The following NCOR1 variants were observed in gnomAD, a reference collection of about 807,000 sequenced individuals.
NCOR1 encodes the protein nuclear receptor corepressor 1, also known as protein phosphatase 1, regulatory subunit 109.
NCOR1 carries 63 observed loss-of-function variants against 288.1 expected under a neutral mutation model. The observed-to-expected ratio is 0.22, with a 90% confidence interval of 0.18 to 0.27. The LOEUF (loss-of-function observed/expected upper bound fraction) is 0.27. NCOR1 is among the 10% of genes least tolerant of loss of function. The probability of loss-of-function intolerance (pLI) is 1.00; values close to 1 mark genes in which losing one functional copy is unlikely to be tolerated. For missense variants in NCOR1, 2,397 were observed against 3,019.2 expected, an observed-to-expected ratio of 0.79 and a Z score of 4.83; for synonymous variants, 1,007 against 1,065.9, an observed-to-expected ratio of 0.94 and a Z score of 1.08.
intron 9 of NCOR1, among the ~76,000 whole-genome samples, chr17:16,148,470 C>A (rs773512018): frequency 2.0e-5 from 3 of 152,006 alleles, no homozygotes; most frequent in Non-Finnish European, 4.4e-5. Flanking sequence ...ATCTTGCTCA[C>A]CTTTGCAGAA....
chr17:16,049,203 T>C (rs1567701307), intron 40 of NCOR1: 4 of 353,760 alleles, frequency 1.1e-5, no homozygotes, highest in Admixed American at 4.6e-5. Context: ...ACTTGACCCA[T>C]GCGCGCCCCG....
At chr17:16,126,277 ATGTC>A in intron 14 of NCOR1, 71 bp from the exon 15 acceptor site, 1 of 1,397,614 alleles carries the variant, frequency 7.2e-7, no homozygotes, top group Non-Finnish European at 9.4e-7. Context: ...GTGATAAATT[ATGTC>A]TATCTAAAAA....
rs754792931 is a variant in NCOR1, at chr17:16,108,896, C to G, written c.2072G>C (p.Arg691Pro). Residue 691 changes from arginine to proline, a missense_variant, in exon 19 of 46, where the codon CGT (arginine) becomes CCT (proline). Coordinates refer to ENST00000268712, the MANE Select transcript of NCOR1 (RefSeq NM_006311.4). ...ACATTGAGACACATCTCGCTCTTCACGAGGTTTTCGTGAAGTCTAAAGGAG... is the reference window on the plus strand; with the variant it reads ...ACATTGAGACACATCTCGCTCTTCAGGAGGTTTTCGTGAAGTCTAAAGGAG... ...QHKQKTSRKP[R>P]EERDVSQCES... The G allele has an allele frequency of 6.3e-7, 1 of 1,587,334 alleles. No individual in the cohort carries two copies. Among genetic ancestry groups the G allele is most frequent in the Non-Finnish European group, 8.6e-7 (1 of 1,166,010 alleles).
intron 5 of NCOR1, among the ~76,000 whole-genome samples, chr17:16,159,810 C>T (rs1372950961): frequency 6.6e-6 from 1 of 151,894 alleles, no homozygotes; most frequent in Non-Finnish European, 1.5e-5. Context: ...GTGGTGTGAT[C>T]CTAGGAACCT....
chr17:16,125,459 C>T (rs1454171736), intron 15 of NCOR1, among the ~76,000 whole-genome samples: 1 of 152,052 alleles, frequency 6.6e-6, no homozygotes, highest in Admixed American at 6.6e-5. Context: ...AATCCCAGCA[C>T]TTTGGGAGGC....
intron 22 of NCOR1, among the ~76,000 whole-genome samples, chr17:16,088,849 T>A (rs900294545): frequency 1.3e-5 from 2 of 152,140 alleles, no homozygotes; most frequent in African/African-American, 4.8e-5. Context: ...CAATAGTGTC[T>A]CACTAAAGGA....
chr17:16,036,855 AT>A (rs1293801325), intron 44 of NCOR1, among the ~76,000 whole-genome samples: 1 of 152,172 alleles, frequency 6.6e-6, no homozygotes, highest in East Asian at 1.9e-4. Context: ...CTTTATTACC[AT>A]TTGTGTGTTC....
chr17:16,185,263 C>T (rs1422984893), intron 3 of NCOR1, among the ~76,000 whole-genome samples: 1 of 151,948 alleles, frequency 6.6e-6, no homozygotes, highest in Non-Finnish European at 1.5e-5. Context: ...AAAATAAAAA[C>T]AAAAGCAAAA....
Position 16,175,133 on chromosome 17 carries a change from CGAGT to C in NCOR1, c.243-3142_243-3139del, listed in dbSNP as rs151240490. 7.5e-3 allele frequency among the ~76,000 whole-genome samples: 1,145 copies of C among 152,032 alleles called. 18 individuals carry two copies. The highest frequency in any genetic ancestry group is 0.049 in the East Asian group (255 of 5,158). On this transcript the variant is annotated intron_variant, in intron 3 of 45. Transcript: ENST00000268712. ...CTGTAATCCCAAGACTTTGGGAGGC[CGAGT>C]AAGTGCATCACTTGAGGTCAGGAGT...
At chr17:16,092,259 G>A (rs1352918770) in intron 21 of NCOR1, among the ~76,000 whole-genome samples, 3 of 152,232 alleles carry the variant, frequency 2.0e-5, no homozygotes, top group South Asian at 4.2e-4. Flanking sequence ...GGAGGCCGAG[G>A]CAGGCAGATC....
In NCOR1 at chr17:16,106,360, G is replaced by C. The variant is rs569612912; in HGVS notation, c.2182+2426C>G. 1.7e-4 allele frequency among the ~76,000 whole-genome samples: 26 copies of C among 152,080 alleles called. No homozygotes were observed. In the South Asian group the frequency reaches 5.4e-3, roughly 32 times the overall value. On this transcript the variant is annotated intron_variant, in intron 19 of 45. Coordinates refer to ENST00000268712, the MANE Select transcript of NCOR1 (RefSeq NM_006311.4). ...AATTTTCTTCTTCCAAGCCACAAAA[G>C]AGTAGGAAGGTTTCCAAGGCATAAT...
At position 16,121,032 on chromosome 17, in the gene NCOR1, T is replaced by C. The variant is rs767835259; in HGVS notation, c.1852+20A>G. On this transcript the variant is annotated intron_variant, in intron 16 of 45. Coordinates refer to ENST00000268712, the MANE Select transcript of NCOR1 (RefSeq NM_006311.4). ...CCCGAACAAAATTATGGCCTGTTTATGCCAATTGTTTCCACTCACTGGGTT... is the reference window on the plus strand; with the variant it reads ...CCCGAACAAAATTATGGCCTGTTTACGCCAATTGTTTCCACTCACTGGGTT... The C allele has an allele frequency of 1.9e-6, 3 of 1,606,464 alleles. No homozygotes were observed. The highest frequency in any genetic ancestry group is 2.2e-5 in the East Asian group (1 of 44,704).
Position 16,048,888 on chromosome 17 carries a change from A to G in NCOR1, c.6493T>C (p.Leu2165=). Reference sequence around the variant, plus strand: ...GCGCCCCTCTGAGACAAGAGCAGCAAGCTGTCCTGTTTCTCATGCACAACC... The same window carrying G: ...GCGCCCCTCTGAGACAAGAGCAGCAGGCTGTCCTGTTTCTCATGCACAACC... ...VPVVHEKQDS[L]LLLSQRGAEP... is the part of the protein sequence containing the mutation. The change falls in exon 41 of 46, where the codon TTG becomes CTG. Residue 2165 remains leucine (L), a synonymous_variant. Transcript: ENST00000268712. 1 of 1,613,884 alleles carries G rather than the reference A, an allele frequency of 6.2e-7. No individual in the cohort carries two copies. Among genetic ancestry groups the G allele is most frequent in the Non-Finnish European group, 8.5e-7 (1 of 1,179,844 alleles).
chr17:16,103,937 G>A (rs1371415765), intron 19 of NCOR1, among the ~76,000 whole-genome samples: 1 of 152,224 alleles, frequency 6.6e-6, no homozygotes, highest in African/African-American at 2.4e-5. Context: ...TTGAATCCGG[G>A]AAGTGGAGGT....
intron 42 of NCOR1, chr17:16,044,958 C>A: frequency 1.1e-5 from 6 of 531,454 alleles, no homozygotes; most frequent in East Asian, 3.6e-5. Flanking sequence ...GTTGTTTTGA[C>A]TAAATTTCTT....
At chr17:16,066,885 C>A (rs571345526) in intron 32 of NCOR1, among the ~76,000 whole-genome samples, 1 of 152,228 alleles carries the variant, frequency 6.6e-6, no homozygotes, top group South Asian at 2.1e-4. Flanking sequence ...TCTCTAAGGA[C>A]CAAAGTGAGG....
rs1236353018 is a variant in NCOR1 at position 16,095,367 on chromosome 17, G to A, written c.2820+3000C>T. Among the ~76,000 whole-genome samples the A allele has an allele frequency of 9.6e-4, 145 of 151,298 alleles. 2 individuals are homozygous for A. Among genetic ancestry groups the A allele is most frequent in the Admixed American group, 4.7e-3 (72 of 15,240 alleles). ...TGGGAAGTGAGGAGCGTCTCCGCCC[G>A]GCAGCCACCCCGCCCGGGAGGGAGG... is the stretch of plus-strand genomic sequence containing the variant. On this transcript the variant is annotated intron_variant, in intron 21 of 45. Transcript: ENST00000268712.
intron 1 of NCOR1, among the ~76,000 whole-genome samples, chr17:16,210,376 C>T (rs926749396): frequency 2.6e-5 from 4 of 152,244 alleles, no homozygotes; most frequent in African/African-American, 7.2e-5. Context: ...AAGAGTGAAA[C>T]GCTGCCTCAA....
chr17:16,072,267 T>C lies in NCOR1; in HGVS notation c.3812-39A>G, dbSNP rs748102327. 5.4e-6 allele frequency: 8 copies of C among 1,480,150 alleles called. No homozygotes were observed. The South Asian group carries it at 7.0e-5, about 13-fold the overall frequency. The allele number at this position is 1,480,150 out of a possible 1,614,324, so 91.7% of individuals were successfully genotyped here. A position where few individuals can be genotyped will look rare whatever the true frequency, so the allele number is the denominator to read the frequency against. ...AAAGCAATTCAATTATTCAACATAA[T>C]GTATATGTCAACTCACATATACTGA... On this transcript the variant is annotated intron_variant, in intron 28 of 45. Coordinates refer to ENST00000268712, the MANE Select transcript of NCOR1 (RefSeq NM_006311.4).
Sources: allele counts gnomAD v4.1 joint callset (sites outside exome capture counted in the v4.1 genomes callset), GRCh38; gene constraint gnomAD v4.1.1; transcripts MANE v1.5; gene names NCBI Gene and HGNC (gene_info 2026-07-23, HGNC 2026-07-21).